Variants in MCC observed in about 807,000 individuals in gnomAD.
The protein encoded by MCC is MCC regulator of Wnt signaling pathway, also known as colorectal mutant cancer protein.
A neutral mutation model predicts 116.2 loss-of-function variants in MCC; 90 were observed. The observed-to-expected ratio is 0.77, with a 90% confidence interval of 0.65 to 0.92. The LOEUF is 0.92. Ranked by LOEUF, MCC falls within the 40% of genes least tolerant of loss-of-function variation. MCC has a pLI of 0.00. For missense variants in MCC, 1,516 were observed against 1,312.2 expected, an observed-to-expected ratio of 1.16 and a Z score of -2.40; for synonymous variants, 578 against 510.5, an observed-to-expected ratio of 1.13 and a Z score of -1.78.
intron 4 of MCC, among the ~76,000 whole-genome samples, chr5:113,145,195 A>T (rs1201254525): frequency 1.3e-5 from 2 of 152,184 alleles, no homozygotes; most frequent in Admixed American, 6.5e-5. Flanking sequence ...CTCTGTTCCC[A>T]ACCTCAGAGT....
At chr5:113,254,382 G>A (rs1764925371) in intron 3 of MCC, among the ~76,000 whole-genome samples, 1 of 152,146 alleles carries the variant, frequency 6.6e-6, no homozygotes, top group South Asian at 2.1e-4. Flanking sequence ...AAGAATAAAA[G>A]GAAAATAAAT....
At chr5:113,475,026 A>G (rs1178647469) in intron 1 of MCC, among the ~76,000 whole-genome samples, 1 of 152,248 alleles carries the variant, frequency 6.6e-6, no homozygotes, top group African/African-American at 2.4e-5. Flanking sequence ...TTTAAAGGAA[A>G]TGCAGCCACA....
At chr5:113,438,738 A>C (rs1218824718) in intron 1 of MCC, among the ~76,000 whole-genome samples, 4 of 152,236 alleles carry the variant, frequency 2.6e-5, no homozygotes, top group African/African-American at 9.6e-5. Flanking sequence ...AACACTACTA[A>C]GCACTACAGG....
rs370353102 is a variant in MCC at position 113,136,616 on chromosome 5, G to A, written c.884+6602C>T. ...TAAAATTTAGATTTTTGTAGCTATT[G>A]TAAATGGAATTGACTTATTTGATTC... On this transcript the variant is annotated intron_variant, in intron 5 of 18. Transcript: ENST00000408903. Among the ~76,000 whole-genome samples the A allele has an allele frequency of 2.6e-5, 4 of 152,174 alleles. No homozygotes were observed. The South Asian group carries it at 6.2e-4, about 24-fold the overall frequency.
intron 3 of MCC, among the ~76,000 whole-genome samples, chr5:113,231,677 T>C (rs1386810972): frequency 2.0e-5 from 3 of 152,204 alleles, no homozygotes; most frequent in Non-Finnish European, 4.4e-5. Flanking sequence ...TTGACAGCTA[T>C]GAAAGTTACA....
intron 1 of MCC, among the ~76,000 whole-genome samples, chr5:113,477,723 C>G (rs1772271604): frequency 6.6e-6 from 1 of 152,098 alleles, no homozygotes; most frequent in South Asian, 2.1e-4. Context: ...GAAGAGTAGG[C>G]TAATTTAAAT....
At chr5:113,100,949 T>A (rs1460224468) in intron 8 of MCC, among the ~76,000 whole-genome samples, 1 of 152,160 alleles carries the variant, frequency 6.6e-6, no homozygotes, top group Non-Finnish European at 1.5e-5. Context: ...TCACCCCCAG[T>A]CCAATCACAG....
chr5:113,468,639 TTC>T (rs1771983475), intron 1 of MCC, among the ~76,000 whole-genome samples: 1 of 152,200 alleles, frequency 6.6e-6, no homozygotes, highest in African/African-American at 2.4e-5. Flanking sequence ...TGGTCTAAAA[TTC>T]TCTTTTTTGG....
At chr5:113,443,574 G>A (rs1279320994) in intron 1 of MCC, among the ~76,000 whole-genome samples, 7 of 152,026 alleles carry the variant, frequency 4.6e-5, no homozygotes, top group Admixed American at 2.0e-4. Context: ...GTCTTATGCC[G>A]GTTTTCAAAG....
chr5:113,251,044 C>T (rs1764782101), intron 3 of MCC, among the ~76,000 whole-genome samples: 1 of 152,172 alleles, frequency 6.6e-6, no homozygotes, highest in Non-Finnish European at 1.5e-5. Context: ...TCTTAAGGTC[C>T]TATTTTAACA....
chr5:113,038,693 C>A (rs1021493835), intron 17 of MCC, among the ~76,000 whole-genome samples: 1 of 151,984 alleles, frequency 6.6e-6, no homozygotes, highest in African/African-American at 2.4e-5. Flanking sequence ...CAGGTGTGAT[C>A]GATCACACTG....
At chr5:113,082,784 C>G in intron 11 of MCC, 76 bp downstream of exon 11, 2 of 1,557,508 alleles carry the variant, frequency 1.3e-6, no homozygotes, top group Non-Finnish European at 1.7e-6. Context: ...CCACCTTGAA[C>G]AGATCTTTGG....
At chr5:113,079,763 C>T (rs1754723902) in intron 11 of MCC, among the ~76,000 whole-genome samples, 1 of 152,190 alleles carries the variant, frequency 6.6e-6, no homozygotes, top group African/African-American at 2.4e-5. Flanking sequence ...GACTTCATGA[C>T]TAAAACACCA....
At position 113,326,471 on chromosome 5, in the gene MCC, T is replaced by C. The variant is rs143915444; in HGVS notation, c.627+14048A>G. 3.3e-5 allele frequency among the ~76,000 whole-genome samples: 5 copies of C among 152,292 alleles called. No individual in the cohort carries two copies. The East Asian group carries it at 9.6e-4, about 29-fold the overall frequency. ...TCTGGAGAGGCCAAATGCTGTGTCT[T>C]CATATAGCAGAAGAGATGGAAGGCC... On this transcript the variant is annotated intron_variant, in intron 3 of 18. Transcript: ENST00000408903.
intron 2 of MCC, among the ~76,000 whole-genome samples, chr5:113,374,184 G>A (rs1463969550): frequency 6.6e-6 from 1 of 150,842 alleles, no homozygotes; most frequent in African/African-American, 2.4e-5. Context: ...GAGCCACGGT[G>A]CCCAGCCTGG....
At chr5:113,286,609 A>G (rs1766272981) in intron 3 of MCC, among the ~76,000 whole-genome samples, 1 of 152,216 alleles carries the variant, frequency 6.6e-6, no homozygotes, top group Non-Finnish European at 1.5e-5. Context: ...CCAAAACATC[A>G]GGCAGCCTTC....
intron 1 of MCC, among the ~76,000 whole-genome samples, chr5:113,475,142 T>C (rs1772204423): frequency 6.6e-6 from 1 of 152,260 alleles, no homozygotes; most frequent in Admixed American, 6.5e-5. Context: ...ACAGGTGTAC[T>C]AAACAATGTC....
chr5:113,210,249 T>C (rs1763077618), intron 3 of MCC, among the ~76,000 whole-genome samples: 1 of 152,206 alleles, frequency 6.6e-6, no homozygotes, highest in Non-Finnish European at 1.5e-5. Context: ...ACAGGGCCTC[T>C]AAATATACCT....
chr5:113,169,309 A>G (rs1402248565), intron 3 of MCC, among the ~76,000 whole-genome samples: 1 of 152,112 alleles, frequency 6.6e-6, no homozygotes, highest in Non-Finnish European at 1.5e-5. Context: ...GAAAATAATA[A>G]TAAGCAAATT....
Sources: gnomAD v4.1 joint callset for allele counts (sites outside exome capture counted in the v4.1 genomes callset) on GRCh38, gnomAD v4.1.1 for gene constraint, MANE v1.5 for transcripts, NCBI Gene and HGNC (gene_info 2026-07-23, HGNC 2026-07-21) for gene names.